ST6GALNAC3: variants seen among roughly 807,000 people sequenced by gnomAD.
ST6GALNAC3 encodes ST6 N-acetylgalactosaminide alpha-2,6-sialyltransferase 3, also known as alpha-N-acetylgalactosaminide alpha-2,6-sialyltransferase 3.
Under a neutral mutation model 32.7 loss-of-function variants are expected in ST6GALNAC3, and 25 were observed. The ratio of observed to expected loss-of-function variants is 0.76; its 90% CI spans 0.56 to 1.07. The LOEUF is 1.07. ST6GALNAC3 is among the 50% of genes least tolerant of loss of function. The pLI is 0.00. For synonymous variants in ST6GALNAC3, 129 were observed against 133.1 expected (o/e 0.97, Z 0.21); for missense variants, 355 against 382.4 (o/e 0.93, Z 0.60).
intron 2 of ST6GALNAC3, among the ~76,000 whole-genome samples, chr1:76,397,255 A>G (rs2101188355): frequency 6.6e-6 from 1 of 152,276 alleles, no homozygotes; most frequent in East Asian, 1.9e-4. Flanking sequence ...GACCTGAAAT[A>G]AACTTCAGCA....
chr1:76,622,219 C>A (rs1648692070), intron 3 of ST6GALNAC3, among the ~76,000 whole-genome samples: 1 of 151,984 alleles, frequency 6.6e-6, no homozygotes, highest in Non-Finnish European at 1.5e-5. Context: ...GATACTGTGG[C>A]TTCTGAACTC....
chr1:76,228,844 A>G (rs1336717269), intron 1 of ST6GALNAC3, among the ~76,000 whole-genome samples: 1 of 152,218 alleles, frequency 6.6e-6, no homozygotes, highest in Non-Finnish European at 1.5e-5. Context: ...GAAGCAACAT[A>G]AACAACGGTT....
chr1:76,507,347 T>G (rs1385540585), intron 3 of ST6GALNAC3, among the ~76,000 whole-genome samples: 1 of 152,222 alleles, frequency 6.6e-6, no homozygotes, highest in African/African-American at 2.4e-5. Context: ...GCTTTTAGTA[T>G]ATTCAGAGTT....
chr1:76,378,666 C>CT (rs1411859645), intron 2 of ST6GALNAC3, among the ~76,000 whole-genome samples: 1 of 101,562 alleles, frequency 9.8e-6, no homozygotes, highest in African/African-American at 3.7e-5. Flanking sequence ...CCTTCCCCCC[C>CT]CCAAAAAAAA....
chr1:76,529,967 A>G (rs1663153079), intron 3 of ST6GALNAC3, among the ~76,000 whole-genome samples: 1 of 152,184 alleles, frequency 6.6e-6, no homozygotes, highest in African/African-American at 2.4e-5. Flanking sequence ...TATCATTATA[A>G]TTGTCACTAA....
At chr1:76,376,838 G>A (rs534384366) in intron 2 of ST6GALNAC3, among the ~76,000 whole-genome samples, 20 of 151,860 alleles carry the variant, frequency 1.3e-4, no homozygotes, top group Non-Finnish European at 2.4e-4. Context: ...ATCTTCCTCC[G>A]GGTTACTTGA....
intron 3 of ST6GALNAC3, among the ~76,000 whole-genome samples, chr1:76,492,685 A>G (rs1049061648): frequency 6.6e-6 from 1 of 152,210 alleles, no homozygotes; most frequent in Admixed American, 6.6e-5. Context: ...CAGCATACGT[A>G]CAAGCCCACC....
chr1:76,127,138 A>C (rs1323931767), intron 1 of ST6GALNAC3, among the ~76,000 whole-genome samples: 1 of 152,186 alleles, frequency 6.6e-6, no homozygotes, highest in Non-Finnish European at 1.5e-5. Context: ...TGTTATGTGA[A>C]ATGCATGTCC....
intron 4 of ST6GALNAC3, 151 bp downstream of exon 4, chr1:76,627,710 G>C (rs1649063088): frequency 1.4e-6 from 1 of 704,382 alleles, no homozygotes; most frequent in Non-Finnish European, 2.4e-6. Context: ...TATTGTCAGT[G>C]CGTCAAGTTG....
intron 3 of ST6GALNAC3, among the ~76,000 whole-genome samples, chr1:76,501,064 CT>C (rs1274290061): frequency 1.3e-5 from 2 of 152,176 alleles, no homozygotes; most frequent in Non-Finnish European, 2.9e-5. Flanking sequence ...AATGTTTTCT[CT>C]TTTTACCCTT....
chr1:76,096,471 A>C (rs1052854588), intron 1 of ST6GALNAC3, among the ~76,000 whole-genome samples: 3 of 152,156 alleles, frequency 2.0e-5, no homozygotes, highest in African/African-American at 7.2e-5. Flanking sequence ...TGGACAATAC[A>C]GTGAATACTA....
At chr1:76,381,221 T>C (rs904031261) in intron 2 of ST6GALNAC3, among the ~76,000 whole-genome samples, 2 of 148,962 alleles carry the variant, frequency 1.3e-5, no homozygotes, top group Non-Finnish European at 3.0e-5. Flanking sequence ...AGAGAACTGT[T>C]AGTGTGATGA....
chr1:76,345,986 AG>A (rs1648473887), intron 2 of ST6GALNAC3, among the ~76,000 whole-genome samples: 1 of 152,002 alleles, frequency 6.6e-6, no homozygotes, highest in East Asian at 1.9e-4. Flanking sequence ...CTTAAGCAAA[AG>A]TCTCCCATGG....
chr1:76,145,530 G>T (rs1650624079), intron 1 of ST6GALNAC3, among the ~76,000 whole-genome samples: 1 of 152,152 alleles, frequency 6.6e-6, no homozygotes, highest in African/African-American at 2.4e-5. Flanking sequence ...AGAAGCACCA[G>T]CCTGTTGAAT....
intron 3 of ST6GALNAC3, among the ~76,000 whole-genome samples, chr1:76,470,609 C>T (rs564555959): frequency 1.3e-5 from 2 of 152,164 alleles, no homozygotes; most frequent in South Asian, 4.1e-4. Flanking sequence ...CCTTTTCAAA[C>T]AGATTTTTCC....
intron 2 of ST6GALNAC3, among the ~76,000 whole-genome samples, chr1:76,333,844 T>C (rs1363456045): frequency 1.3e-5 from 2 of 152,180 alleles, no homozygotes; most frequent in East Asian, 3.9e-4. Flanking sequence ...GCATTTTACA[T>C]ATATGGACTC....
At chr1:76,394,925 T>C (rs1295266858) in intron 2 of ST6GALNAC3, among the ~76,000 whole-genome samples, 1 of 152,222 alleles carries the variant, frequency 6.6e-6, no homozygotes, top group Non-Finnish European at 1.5e-5. Context: ...ATGAGTGTTT[T>C]TGTCTGTCAG....
intron 2 of ST6GALNAC3, among the ~76,000 whole-genome samples, chr1:76,400,182 A>G (rs1252199811): frequency 6.6e-6 from 1 of 152,190 alleles, no homozygotes; most frequent in Non-Finnish European, 1.5e-5. Context: ...AAAACATTTT[A>G]TCAGACTAAG....
intron 1 of ST6GALNAC3, among the ~76,000 whole-genome samples, chr1:76,098,825 C>G (rs1436313367): frequency 6.6e-6 from 1 of 151,914 alleles, no homozygotes; most frequent in Non-Finnish European, 1.5e-5. Flanking sequence ...TTGTTAAAAT[C>G]CCTCCTTAAG....
Sources: gnomAD v4.1 joint callset for allele counts (sites outside exome capture counted in the v4.1 genomes callset) on GRCh38, gnomAD v4.1.1 for gene constraint, MANE v1.5 for transcripts, NCBI Gene and HGNC (gene_info 2026-07-23, HGNC 2026-07-21) for gene names.